Variants in CMSS1 observed in about 807,000 individuals in gnomAD.
The protein encoded by CMSS1 is cms1 ribosomal small subunit homolog.
In CMSS1, 33 loss-of-function variants were observed where a neutral mutation model predicts 43.5. The ratio of observed to expected loss-of-function variants is 0.76; its 90% confidence interval spans 0.57 to 1.01. The LOEUF (loss-of-function observed/expected upper bound fraction) is 1.01, where lower values mean the gene tolerates loss of function less well. Ranked by LOEUF, CMSS1 falls within the 50% of genes least tolerant of loss-of-function variation. The pLI, the probability that CMSS1 is intolerant of heterozygous loss-of-function variation, is 0.00. For missense variants in CMSS1, 313 were observed against 326.4 expected, an observed-to-expected ratio of 0.96 and a Z score of 0.32; for synonymous variants, 115 against 117.2, an observed-to-expected ratio of 0.98 and a Z score of 0.12.
At chr3:99,950,512 A>G (rs1708144290) in intron 1 of CMSS1, among the ~76,000 whole-genome samples, 1 of 152,114 alleles carries the variant, frequency 6.6e-6, no homozygotes, top group African/African-American at 2.4e-5. Flanking sequence ...CGTTTTCACT[A>G]GTCTCCCCTG....
rs930991522 is a variant in CMSS1, at chr3:100,048,440, C to G, written c.65-98533C>G. On this transcript the variant is annotated intron_variant, in intron 1 of 9. Transcript: ENST00000421999. ...AGGAGGAAGAGTAGAGCCAGCTCTTCCCTGCAGCTGTGGCTAACCGAGGCA... is the reference window on the plus strand; with the variant it reads ...AGGAGGAAGAGTAGAGCCAGCTCTTGCCTGCAGCTGTGGCTAACCGAGGCA... Among the ~76,000 whole-genome samples, 5 of 152,248 alleles carry G rather than the reference C, an allele frequency of 3.3e-5. 1 individual carries two copies. In the East Asian group the frequency reaches 7.7e-4, roughly 24 times the overall value.
intron 1 of CMSS1, among the ~76,000 whole-genome samples, chr3:99,821,149 A>G (rs796139266): frequency 1.8e-4 from 28 of 152,324 alleles, no homozygotes; most frequent in African/African-American, 5.1e-4. Flanking sequence ...CAAAGTTTTC[A>G]TGGCTCTTTA....
intron 1 of CMSS1, among the ~76,000 whole-genome samples, chr3:99,923,960 C>A (rs75597220): frequency 6.6e-6 from 1 of 152,206 alleles, no homozygotes; most frequent in African/African-American, 2.4e-5. Context: ...AGGGACTAGA[C>A]CCCTGTTGCC....
intron 1 of CMSS1, among the ~76,000 whole-genome samples, chr3:99,890,762 C>T (rs921891389): frequency 1.3e-5 from 2 of 151,390 alleles, no homozygotes; most frequent in Admixed American, 6.6e-5. Flanking sequence ...GTATGTCTTA[C>T]ATGCTGTCTG....
intron 1 of CMSS1, among the ~76,000 whole-genome samples, chr3:100,045,691 C>T (rs1433753575): frequency 6.6e-6 from 1 of 152,196 alleles, no homozygotes; most frequent in Non-Finnish European, 1.5e-5. Flanking sequence ...AAATATCTGT[C>T]TAAATATTCT....
chr3:100,181,309 T>C lies in CMSS1; in HGVS notation c.*2921T>C, dbSNP rs1366912963. The C allele has an allele frequency of 6.6e-6, 1 of 152,238 alleles. No individual in the cohort carries two copies. Among genetic ancestry groups the C allele is most frequent in the Non-Finnish European group, 1.5e-5 (1 of 68,050 alleles). 9.4% of individuals were successfully genotyped at this position (152,238 alleles called of 1,614,324 possible). A position where few individuals can be genotyped will look rare whatever the true frequency, so the allele number is the denominator to read the frequency against. Reference sequence around the variant, plus strand: ...CTTATTAACTTTTTTTTAAAAACTTTCTATTTTGAAACTTCAGGCTTAATA... The same window carrying C: ...CTTATTAACTTTTTTTTAAAAACTTCCTATTTTGAAACTTCAGGCTTAATA... On this transcript the variant is annotated 3_prime_UTR_variant, in exon 10 of 10. Coordinates refer to ENST00000421999, the MANE Select transcript of CMSS1 (RefSeq NM_032359.4).
chr3:100,030,470 A>G lies in CMSS1; in HGVS notation c.65-116503A>G, dbSNP rs551595492. Among the ~76,000 whole-genome samples, 12 of 152,226 alleles carry G rather than the reference A, an allele frequency of 7.9e-5. No homozygotes were observed. In the East Asian group the frequency reaches 1.7e-3, roughly 22 times the overall value. ...AATAGGGTAATGATTCGTCCTCCCT[A>G]CTTAAGGCATTATTGCTCATTCTCA... On this transcript the variant is annotated intron_variant, in intron 1 of 9. Transcript: ENST00000421999.
chr3:99,999,618 G>C (rs1362575783), intron 1 of CMSS1, among the ~76,000 whole-genome samples: 1 of 152,164 alleles, frequency 6.6e-6, no homozygotes, highest in Non-Finnish European at 1.5e-5. Context: ...GAGGATCTCG[G>C]GATATAGGCT....
intron 1 of CMSS1, among the ~76,000 whole-genome samples, chr3:99,966,050 G>T (rs1708641882): frequency 6.6e-6 from 1 of 152,174 alleles, no homozygotes; most frequent in African/African-American, 2.4e-5. Context: ...CCCTGCTGAG[G>T]TTAATAGGGG....
chr3:99,826,388 G>A (rs560760816), intron 1 of CMSS1, among the ~76,000 whole-genome samples: 2 of 152,268 alleles, frequency 1.3e-5, no homozygotes, highest in African/African-American at 2.4e-5. Context: ...AGTCATCACC[G>A]TCATAACTGC....
intron 1 of CMSS1, among the ~76,000 whole-genome samples, chr3:99,900,281 A>G (rs548028092): frequency 1.3e-5 from 2 of 152,344 alleles, no homozygotes; most frequent in South Asian, 4.1e-4. Context: ...GGTGCAAAAA[A>G]CAAAGATGGT....
At chr3:100,025,329 A>G (rs1289726228) in intron 1 of CMSS1, 3 of 152,168 alleles carry the variant, frequency 2.0e-5, no homozygotes, top group African/African-American at 7.2e-5. Context: ...GTTTGTATTT[A>G]TTTGATCACA....
Position 99,872,309 on chromosome 3 carries a change from G to GTGTGTGTA in CMSS1, c.64+54273_64+54274insATGTGTGT, listed in dbSNP as rs1944836089. 3.3e-5 allele frequency among the ~76,000 whole-genome samples: 5 copies of GTGTGTGTA among 151,624 alleles called. 1 individual carries two copies. In the South Asian group the frequency reaches 1.0e-3, roughly 32 times the overall value. On this transcript the variant is annotated intron_variant, in intron 1 of 9. Coordinates refer to ENST00000421999, the MANE Select transcript of CMSS1 (RefSeq NM_032359.4). The stretch of plus-strand genomic sequence containing the variant: ...TGTGTGTGTGTGTGTGTGTGTGTGT[G>GTGTGTGTA]TGTGTGTGTGTGTGACTGTGGGGCC...
chr3:100,067,473 A>G (rs558105243), intron 1 of CMSS1, among the ~76,000 whole-genome samples: 47 of 152,296 alleles, frequency 3.1e-4, no homozygotes, highest in African/African-American at 1.1e-3. Flanking sequence ...ATTAGTATAC[A>G]TGATTGAGGA....
chr3:99,930,410 A>G (rs570445184), intron 1 of CMSS1, among the ~76,000 whole-genome samples: 2 of 152,306 alleles, frequency 1.3e-5, no homozygotes, highest in African/African-American at 4.8e-5. Context: ...GGGCTAGTCT[A>G]GGAGCCAGTT....
rs1472853668 is a variant in CMSS1 at position 100,167,843 on chromosome 3, T to TG, written c.518+5dup. The TG allele has an allele frequency of 1.3e-6, 2 of 1,597,456 alleles. No individual in the cohort carries two copies. Among genetic ancestry groups the TG allele is most frequent in the East Asian group, 2.2e-5 (1 of 44,716 alleles). The stretch of plus-strand genomic sequence containing the variant: ...GTCCGAGCCCTGGAGCTCATTAGGT[T>TG]GGAAGGTTCACCTATTCCATATCAT... On this transcript the variant is annotated splice_donor_region_variant and intron_variant, in intron 6 of 9. Transcript: ENST00000421999.
At chr3:100,003,808 A>G (rs1477919614) in intron 1 of CMSS1, among the ~76,000 whole-genome samples, 2 of 152,204 alleles carry the variant, frequency 1.3e-5, no homozygotes, top group Non-Finnish European at 2.9e-5. Flanking sequence ...AGCAATAACC[A>G]TTAAGTTCTA....
chr3:99,973,693 G>GA (rs1559709786), intron 1 of CMSS1, among the ~76,000 whole-genome samples: 1 of 152,144 alleles, frequency 6.6e-6, no homozygotes, highest in Non-Finnish European at 1.5e-5. Flanking sequence ...CAAACTTGAT[G>GA]AAAAATAAAT....
intron 8 of CMSS1, among the ~76,000 whole-genome samples, chr3:100,175,378 G>A (rs1342927060): frequency 6.6e-6 from 1 of 152,158 alleles, no homozygotes; most frequent in Admixed American, 6.5e-5. Flanking sequence ...TCAAATAAAA[G>A]CATTTTGAAG....
Sources: allele counts gnomAD v4.1 joint callset (sites outside exome capture counted in the v4.1 genomes callset), GRCh38; gene constraint gnomAD v4.1.1; transcripts MANE v1.5; gene names NCBI Gene and HGNC (gene_info 2026-07-23, HGNC 2026-07-21).